Variants in ACBD6 observed in about 807,000 individuals in gnomAD.
ACBD6 encodes the protein acyl-CoA binding domain containing 6.
A neutral mutation model predicts 37.2 loss-of-function variants in ACBD6; 28 were observed. The observed-to-expected ratio is 0.75, with a 90% confidence interval of 0.56 to 1.03. The LOEUF (loss-of-function observed/expected upper bound fraction) is 1.03, where lower values mean the gene tolerates loss of function less well. ACBD6 is among the 50% of genes least tolerant of loss of function. ACBD6 has a pLI of 0.00. For missense variants in ACBD6, 340 were observed against 337.4 expected (o/e 1.01, Z -0.06); for synonymous variants, 113 against 126.8 (o/e 0.89, Z 0.73).
chr1:180,362,969 C>T (rs536115743), intron 6 of ACBD6, among the ~76,000 whole-genome samples: 42 of 152,300 alleles, frequency 2.8e-4, no homozygotes, highest in African/African-American at 7.0e-4. Flanking sequence ...TTAATATTCT[C>T]TTTGCTGGGA....
In ACBD6 at chr1:180,374,800, T is replaced by C. The variant is rs144741873; in HGVS notation, c.663+22716A>G. 5.8e-3 allele frequency among the ~76,000 whole-genome samples: 876 copies of C among 152,264 alleles called. 6 individuals carry two copies. The highest frequency in any genetic ancestry group is 0.02 in the African/African-American group (831 of 41,556). On this transcript the variant is annotated intron_variant, in intron 6 of 7. Transcript: ENST00000367595. ...TCATATAAATGGTGTAAGAATTATA[T>C]TGAAGTATAGAAATTAGAGATCTAA...
rs74544942 is a variant in ACBD6, at chr1:180,392,998, T to C, written c.663+4518A>G. ...CCTCCTACCAATAAATGTTCAGCAT[T>C]CAAATACCTTTTAATGTGCTTTGGG... On this transcript the variant is annotated intron_variant, in intron 6 of 7. Coordinates refer to ENST00000367595, the MANE Select transcript of ACBD6 (RefSeq NM_032360.4). 7.5e-3 allele frequency among the ~76,000 whole-genome samples: 1,142 copies of C among 152,310 alleles called. 51 individuals are homozygous for C. The East Asian group carries it at 0.094, about 12-fold the overall frequency.
chr1:180,427,934 A>C (rs1315117858), intron 4 of ACBD6, among the ~76,000 whole-genome samples: 3 of 150,888 alleles, frequency 2.0e-5, no homozygotes, highest in Non-Finnish European at 4.4e-5. Context: ...AAAAAAAAAA[A>C]CCAAAAACCA....
chr1:180,417,809 G>C (rs985357756), intron 4 of ACBD6, among the ~76,000 whole-genome samples: 3 of 152,134 alleles, frequency 2.0e-5, no homozygotes, highest in African/African-American at 4.8e-5. Context: ...TAGGATAAAA[G>C]CTGGCACTGC....
At chr1:180,342,888 A>C (rs1478452628) in intron 6 of ACBD6, among the ~76,000 whole-genome samples, 1 of 152,028 alleles carries the variant, frequency 6.6e-6, no homozygotes, top group Admixed American at 6.5e-5. Context: ...TATATCAGCT[A>C]ATTTTTCTAG....
chr1:180,375,712 A>G (rs969181084), intron 6 of ACBD6, among the ~76,000 whole-genome samples: 1 of 152,226 alleles, frequency 6.6e-6, no homozygotes, highest in African/African-American at 2.4e-5. Flanking sequence ...CCAATCATAC[A>G]TTTCAGAATC....
At chr1:180,359,249 T>A (rs1652750532) in intron 6 of ACBD6, among the ~76,000 whole-genome samples, 1 of 152,210 alleles carries the variant, frequency 6.6e-6, no homozygotes, top group Admixed American at 6.5e-5. Context: ...TAAAATAACA[T>A]TTATTTTACT....
chr1:180,490,576 C>G (rs1189540731), intron 3 of ACBD6, among the ~76,000 whole-genome samples: 1 of 151,498 alleles, frequency 6.6e-6, no homozygotes, highest in African/African-American at 2.4e-5. Context: ...GAGATCGAGA[C>G]CAACTTGGCT....
At chr1:180,449,752 G>A (rs574702473) in intron 3 of ACBD6, among the ~76,000 whole-genome samples, 9 of 151,700 alleles carry the variant, frequency 5.9e-5, no homozygotes, top group African/African-American at 1.7e-4. Flanking sequence ...ATCACACACC[G>A]GGGCCTGTTG....
At chr1:180,487,646 C>T (rs1651324304) in intron 3 of ACBD6, among the ~76,000 whole-genome samples, 1 of 151,936 alleles carries the variant, frequency 6.6e-6, no homozygotes, top group African/African-American at 2.4e-5. Flanking sequence ...CAAAGAGAAG[C>T]CATAAATTGC....
chr1:180,397,517 T>G lies in ACBD6; in HGVS notation c.662A>C (p.Gln221Pro), dbSNP rs1280629166. The G allele has an allele frequency of 1.2e-5, 19 of 1,612,146 alleles. No individual in the cohort carries two copies. The highest frequency in any genetic ancestry group is 1.5e-5 in the Non-Finnish European group (18 of 1,178,262). The change falls in exon 6 of 8, where the codon CAG (glutamine) becomes CCG (proline). Residue 221 changes from glutamine to proline, a missense_variant and splice_region_variant. Coordinates refer to ENST00000367595, the MANE Select transcript of ACBD6 (RefSeq NM_032360.4). ...LLQHRADINCQDNEGQTALHY... is the reference protein window; with the variant it reads ...LLQHRADINCPDNEGQTALHY... Reference sequence around the variant, plus strand: ...AAAGCTCTTCTTTATCACTCTTACCTGACAGTTAATGTCAGCTCTATGTTG... The same window carrying G: ...AAAGCTCTTCTTTATCACTCTTACCGGACAGTTAATGTCAGCTCTATGTTG...
At chr1:180,271,581 AC>A in exon 14 of ACBD6, 1 of 1,606,156 alleles carries the variant, frequency 6.2e-7, no homozygotes. Flanking sequence ...CAGGCCCGGG[AC>A]AGGGGTGGAA....
At chr1:180,431,143 G>A (rs1416298114) in intron 3 of ACBD6, among the ~76,000 whole-genome samples, 2 of 151,110 alleles carry the variant, frequency 1.3e-5, no homozygotes, top group Non-Finnish European at 2.9e-5. Context: ...GTACTTAAGA[G>A]AAGTACGAGT....
At chr1:180,401,804 A>AT (rs71297877) in intron 5 of ACBD6, among the ~76,000 whole-genome samples, 72 of 150,782 alleles carry the variant, frequency 4.8e-4, no homozygotes, top group Middle Eastern at 6.8e-3. Context: ...AAAAAAAAAA[A>AT]TGGTAAGGGG....
chr1:180,349,313 G>A (rs1439457592), intron 6 of ACBD6, among the ~76,000 whole-genome samples: 1 of 148,964 alleles, frequency 6.7e-6, no homozygotes, highest in African/African-American at 2.5e-5. Flanking sequence ...AGGCTGGCTC[G>A]CGGGCGATCT....
chr1:180,402,628 C>T (rs1647423863), intron 5 of ACBD6, among the ~76,000 whole-genome samples: 1 of 151,868 alleles, frequency 6.6e-6, no homozygotes, highest in African/African-American at 2.4e-5. Context: ...ATGGTGAAAC[C>T]CCATCTCTAC....
intron 5 of ACBD6, among the ~76,000 whole-genome samples, chr1:180,405,719 T>C (rs1358328004): frequency 1.3e-5 from 2 of 152,314 alleles, no homozygotes; most frequent in East Asian, 1.9e-4. Context: ...ACAAGAATTA[T>C]GTAAACATAA....
At chr1:180,340,941 A>G (rs1254159704) in intron 6 of ACBD6, among the ~76,000 whole-genome samples, 1 of 152,166 alleles carries the variant, frequency 6.6e-6, no homozygotes, top group Non-Finnish European at 1.5e-5. Flanking sequence ...GAGAAGAGAA[A>G]ATATGAAAAA....
At chr1:180,297,556 C>A (rs1649968882) in intron 7 of ACBD6, among the ~76,000 whole-genome samples, 1 of 152,150 alleles carries the variant, frequency 6.6e-6, no homozygotes, top group African/African-American at 2.4e-5. Context: ...AGGGTCACTG[C>A]TGATTGGCTG....
Sources: gnomAD v4.1 joint callset for allele counts (sites outside exome capture counted in the v4.1 genomes callset) on GRCh38, gnomAD v4.1.1 for gene constraint, MANE v1.5 for transcripts, NCBI Gene and HGNC (gene_info 2026-07-23, HGNC 2026-07-21) for gene names.